Variants in FGF14 observed in about 807,000 individuals in gnomAD.
FGF14 encodes the protein fibroblast growth factor 14.
Under a neutral mutation model 25.5 loss-of-function variants are expected in FGF14, and 5 were observed. The observed-to-expected ratio is 0.20, with a 90% CI of 0.10 to 0.41. The LOEUF is 0.41. Among genes scored for constraint, FGF14 ranks in the 10% least tolerant of loss-of-function variants. The pLI, the probability that FGF14 is intolerant of heterozygous loss-of-function variation, is 1.00. For synonymous variants in FGF14, 138 were observed against 118.3 expected (o/e 1.17, Z -1.08); for missense variants, 222 against 320.1 (o/e 0.69, Z 2.34).
intron 1 of FGF14, among the ~76,000 whole-genome samples, chr13:102,248,728 G>A (rs975582773): frequency 3.9e-5 from 6 of 152,066 alleles, no homozygotes; most frequent in African/African-American, 1.4e-4. Flanking sequence ...GACGGCTTCA[G>A]GTGAAATACA....
At chr13:102,202,774 C>T (rs564491288) in intron 1 of FGF14, among the ~76,000 whole-genome samples, 1 of 152,170 alleles carries the variant, frequency 6.6e-6, no homozygotes, top group Admixed American at 6.5e-5. Flanking sequence ...ACGTAGTAGA[C>T]AATTTGGTAA....
At chr13:101,878,471 GATTT>G (rs538272750) in intron 1 of FGF14, among the ~76,000 whole-genome samples, 114 of 152,272 alleles carry the variant, frequency 7.5e-4, no homozygotes, top group Non-Finnish European at 1.3e-3. Flanking sequence ...TGGTTAAGTA[GATTT>G]ATAAGTTATA....
intron 1 of FGF14, among the ~76,000 whole-genome samples, chr13:102,014,739 C>A (rs2040249813): frequency 6.6e-6 from 1 of 152,000 alleles, no homozygotes; most frequent in African/African-American, 2.4e-5. Context: ...TAATACAGAA[C>A]AGCTAAAAAC....
intron 1 of FGF14, among the ~76,000 whole-genome samples, chr13:102,007,241 CA>C (rs2039854488): frequency 6.6e-6 from 1 of 152,140 alleles, no homozygotes; most frequent in Admixed American, 6.6e-5. Flanking sequence ...TCATGAGTAA[CA>C]AGGGTCTAAG....
At position 101,976,247 on chromosome 13, in the gene FGF14, TCA is replaced by T. The variant is rs372930269; in HGVS notation, c.209-100953_209-100952del. Among the ~76,000 whole-genome samples, 11 of 152,312 alleles carry T rather than the reference TCA, an allele frequency of 7.2e-5. No homozygotes were observed. In the South Asian group the frequency reaches 2.3e-3, roughly 32 times the overall value. ...CTCAATTCATAGCGCTATTAATGTC[TCA>T]GTTTTTTCTCTATACCTTATCCAGT... On this transcript the variant is annotated intron_variant, in intron 1 of 4. Transcript: ENST00000376131.
intron 1 of FGF14, among the ~76,000 whole-genome samples, chr13:102,180,046 A>G (rs907497511): frequency 3.3e-5 from 5 of 152,166 alleles, no homozygotes; most frequent in African/African-American, 9.6e-5. Flanking sequence ...AAAAAAATCT[A>G]ATGCATTTCT....
At chr13:102,271,242 T>C (rs1274566656) in intron 1 of FGF14, among the ~76,000 whole-genome samples, 1 of 152,192 alleles carries the variant, frequency 6.6e-6, no homozygotes, top group African/African-American at 2.4e-5. Context: ...CTTTGCCAAA[T>C]TTTTAACAAT....
At chr13:101,826,538 C>T (rs150655162) in intron 3 of FGF14, among the ~76,000 whole-genome samples, 155 of 152,038 alleles carry the variant, frequency 1.0e-3, no homozygotes, top group South Asian at 4.1e-3. Context: ...ATTTGCTTTT[C>T]GTAAAAATGT....
chr13:101,994,420 G>A (rs1385792166), intron 1 of FGF14, among the ~76,000 whole-genome samples: 4 of 151,888 alleles, frequency 2.6e-5, no homozygotes, highest in Admixed American at 2.0e-4. Flanking sequence ...AAAATCTCAA[G>A]GCTTATGGGA....
intron 1 of FGF14, among the ~76,000 whole-genome samples, chr13:102,190,912 T>C (rs2049095298): frequency 6.6e-6 from 1 of 152,130 alleles, no homozygotes; most frequent in Non-Finnish European, 1.5e-5. Context: ...CATCCTCTCT[T>C]CTCAGCTCCA....
intron 1 of FGF14, among the ~76,000 whole-genome samples, chr13:101,905,524 G>A (rs1230201888): frequency 6.6e-6 from 1 of 151,650 alleles, no homozygotes; most frequent in African/African-American, 2.4e-5. Context: ...GACATGGGGA[G>A]GGGGACATCA....
intron 3 of FGF14, among the ~76,000 whole-genome samples, chr13:101,848,300 T>TA (rs1448100774): frequency 2.0e-5 from 3 of 151,634 alleles, no homozygotes; most frequent in African/African-American, 4.8e-5. Flanking sequence ...AAAGAGGAAA[T>TA]AAAAAAAATT....
intron 1 of FGF14, among the ~76,000 whole-genome samples, chr13:102,061,513 T>C (rs565512036): frequency 6.6e-6 from 1 of 152,362 alleles, no homozygotes; most frequent in South Asian, 2.1e-4. Flanking sequence ...ATAGTGGGTT[T>C]TACTCACTTT....
At chr13:102,269,522 C>T (rs891918900) in intron 1 of FGF14, among the ~76,000 whole-genome samples, 1 of 152,088 alleles carries the variant, frequency 6.6e-6, no homozygotes, top group African/African-American at 2.4e-5. Context: ...ATCAGCCTGG[C>T]AATCTTTATT....
chr13:101,802,066 G>A, intron 3 of FGF14: 1 of 333,724 alleles, frequency 3.0e-6, no homozygotes, highest in Non-Finnish European at 6.0e-6. Flanking sequence ...CTGATAAAAT[G>A]GCAAAGGCAG....
chr13:102,329,059 C>T (rs2138821397), intron 1 of FGF14, among the ~76,000 whole-genome samples: 1 of 152,250 alleles, frequency 6.6e-6, no homozygotes, highest in South Asian at 2.1e-4. Flanking sequence ...TTCTGTACAT[C>T]CTCCTCTCTG....
At chr13:101,774,969 CAAA>C (rs1213093814) in intron 3 of FGF14, among the ~76,000 whole-genome samples, 2 of 54,396 alleles carry the variant, frequency 3.7e-5, no homozygotes, top group East Asian at 6.2e-4. Flanking sequence ...AACTCCATCT[CAAA>C]AAAAAAAAAA....
At chr13:102,119,638 C>G (rs2078433099) in intron 1 of FGF14, among the ~76,000 whole-genome samples, 1 of 152,128 alleles carries the variant, frequency 6.6e-6, no homozygotes. Context: ...ATATGTATGT[C>G]TGTGTGCATA....
intron 3 of FGF14, among the ~76,000 whole-genome samples, chr13:101,813,367 CT>C (rs1313896217): frequency 1.2e-4 from 18 of 152,248 alleles, no homozygotes; most frequent in Non-Finnish European, 2.2e-4. Flanking sequence ...AGAAATGGGG[CT>C]CTAGTAAAAG....
Sources: allele counts gnomAD v4.1 joint callset (sites outside exome capture counted in the v4.1 genomes callset), GRCh38; gene constraint gnomAD v4.1.1; transcripts MANE v1.5; gene names NCBI Gene and HGNC (gene_info 2026-07-23, HGNC 2026-07-21).